The following NVL variants were observed in gnomAD, a reference collection of about 807,000 sequenced individuals.
NVL encodes the protein nuclear VCP like.
Under a neutral mutation model 110.2 loss-of-function variants are expected in NVL, and 84 were observed. The ratio of observed to expected loss-of-function variants is 0.76; its 90% CI spans 0.64 to 0.91. The LOEUF (loss-of-function observed/expected upper bound fraction) is 0.91. Among genes scored for constraint, NVL ranks in the 40% least tolerant of loss-of-function variants. NVL has a pLI of 0.00. For missense variants in NVL, 882 were observed against 1,035.9 expected (o/e 0.85, Z 2.04); for synonymous variants, 354 against 361.1 (o/e 0.98, Z 0.22).
chr1:224,301,951 C>A (rs1213105388), intron 9 of NVL, among the ~76,000 whole-genome samples: 1 of 152,114 alleles, frequency 6.6e-6, no homozygotes, highest in African/African-American at 2.4e-5. Flanking sequence ...TGCACTTCTT[C>A]TTGTCTTCCA....
At chr1:224,290,588 G>A (rs1468892084) in intron 12 of NVL, among the ~76,000 whole-genome samples, 1 of 152,124 alleles carries the variant, frequency 6.6e-6, no homozygotes, top group Non-Finnish European at 1.5e-5. Context: ...AGATCACGAG[G>A]TCAGGAGATC....
At chr1:224,241,776 A>G (rs1661218599) in intron 19 of NVL, among the ~76,000 whole-genome samples, 1 of 151,886 alleles carries the variant, frequency 6.6e-6, no homozygotes, top group African/African-American at 2.4e-5. Flanking sequence ...GAATCGCTTG[A>G]ACCCGGGAAG....
chr1:224,289,331 A>T lies in NVL; in HGVS notation c.1575+153T>A, dbSNP rs542562898. The T allele has an allele frequency of 3.3e-5, 20 of 607,786 alleles. 1 individual carries two copies. In the East Asian group the frequency reaches 5.8e-4, roughly 18 times the overall value. 37.6% of individuals were successfully genotyped at this position (607,786 alleles called of 1,614,324 possible). On this transcript the variant is annotated intron_variant, in intron 13 of 22. Transcript: ENST00000281701. ...TAAAACAACTCATATTTTTGAAATG[A>T]TAAACATCGTGGGTATAAATGATAA...
Position 224,288,337 on chromosome 1 carries a change from T to C in NVL, c.1576-344A>G, listed in dbSNP as rs953977697. Reference sequence around the variant, plus strand: ...TCATTTATAAATATTCAAGAAACAGTTGAATCCTGATGAAATTAAAACACT... The same window carrying C: ...TCATTTATAAATATTCAAGAAACAGCTGAATCCTGATGAAATTAAAACACT... On this transcript the variant is annotated intron_variant, in intron 13 of 22. Coordinates refer to ENST00000281701, the MANE Select transcript of NVL (RefSeq NM_002533.4). Among the ~76,000 whole-genome samples the C allele has an allele frequency of 3.0e-4, 46 of 152,162 alleles. 1 individual carries two copies. Among genetic ancestry groups the C allele is most frequent in the Non-Finnish European group, 7.4e-5 (5 of 68,020 alleles).
intron 17 of NVL, among the ~76,000 whole-genome samples, chr1:224,272,688 G>C (rs1484608175): frequency 6.6e-6 from 1 of 152,028 alleles, no homozygotes; most frequent in Non-Finnish European, 1.5e-5. Flanking sequence ...CTGCACTCCA[G>C]CTTGGGTGAC....
At chr1:224,267,707 G>C (rs997429065) in intron 18 of NVL, among the ~76,000 whole-genome samples, 5 of 144,424 alleles carry the variant, frequency 3.5e-5, no homozygotes, top group African/African-American at 1.3e-4. Context: ...AAAAAAAAAA[G>C]TGTATGCTGC....
rs1668752682 is a variant in NVL, at chr1:224,304,725, T to C, written c.825+11A>G. 1.9e-6 allele frequency: 3 copies of C among 1,607,902 alleles called. No individual in the cohort carries two copies. The highest frequency in any genetic ancestry group is 1.3e-5 in the African/African-American group (1 of 74,790). ...TATCCATTTGAGGTAAAATTCAGAA[T>C]TTGCACTAACTTTTAATGTCATATC... On this transcript the variant is annotated intron_variant, in intron 8 of 22. Transcript: ENST00000281701.
chr1:224,275,557 T>C (rs1665683996), intron 16 of NVL, 99 bp from the exon 17 acceptor site: 2 of 1,469,478 alleles, frequency 1.4e-6, no homozygotes, highest in Non-Finnish European at 1.9e-6. Context: ...ACTAGTTTTA[T>C]GTGTCAAAGT....
intron 19 of NVL, among the ~76,000 whole-genome samples, chr1:224,246,016 C>A (rs1252627461): frequency 6.6e-6 from 1 of 151,958 alleles, no homozygotes; most frequent in Non-Finnish European, 1.5e-5. Context: ...GTTACCCACC[C>A]CATTTATGCC....
chr1:224,330,108 C>T lies in NVL; in HGVS notation c.20G>A (p.Gly7Glu), dbSNP rs150333766. Residue 7 changes from glycine (G) to glutamate (E), a missense_variant, in exon 1 of 23, where the codon GGG becomes GAG. By Grantham distance (98) the Gly-to-Glu change is moderately conservative. Transcript: ENST00000281701. MKPRPA[G>E]FVDNKLKQRV... ...CTGCTTGAGTTTATTATCCACGAAC[C>T]CTGCAGGTCTGGGCTTCATCGCGTC... The T allele has an allele frequency of 4.0e-3, 6,468 of 1,614,108 alleles. 18 individuals are homozygous for T. The highest frequency in any genetic ancestry group is 4.9e-3 in the Non-Finnish European group (5,767 of 1,179,974).
chr1:224,299,043 G>A (rs1238662350), intron 10 of NVL, among the ~76,000 whole-genome samples: 1 of 152,156 alleles, frequency 6.6e-6, no homozygotes, highest in African/African-American at 2.4e-5. Flanking sequence ...GTTACTCAAT[G>A]GTTAGGAGTG....
intron 21 of NVL, among the ~76,000 whole-genome samples, chr1:224,231,497 A>G (rs925704974): frequency 2.8e-4 from 43 of 152,142 alleles, no homozygotes; most frequent in African/African-American, 9.9e-4. Flanking sequence ...CCACCCAAAG[A>G]GATCTGCCAC....
intron 15 of NVL, among the ~76,000 whole-genome samples, chr1:224,282,703 C>T (rs1666486312): frequency 6.6e-6 from 1 of 152,212 alleles, no homozygotes; most frequent in African/African-American, 2.4e-5. Context: ...CTCAGCAACA[C>T]CACTTGGATT....
chr1:224,234,257 G>A (rs1660219194), intron 20 of NVL, among the ~76,000 whole-genome samples: 1 of 152,122 alleles, frequency 6.6e-6, no homozygotes, highest in Non-Finnish European at 1.5e-5. Context: ...CATGTTGACT[G>A]GAGTTTCACT....
In NVL at chr1:224,306,411, C is replaced by A. The variant is rs545425344; in HGVS notation, c.616-1245G>T. On this transcript the variant is annotated intron_variant, in intron 6 of 22. Transcript: ENST00000281701. ...CCTCCTAAGTAGCTGGGACTACAGG[C>A]GCCCGCCATGACGCCTGGCTAACTT... Among the ~76,000 whole-genome samples, 3 of 152,218 alleles carry A rather than the reference C, an allele frequency of 2.0e-5. No individual in the cohort carries two copies. In the South Asian group the frequency reaches 6.2e-4, roughly 32 times the overall value.
At chr1:224,285,296 G>A (rs757911305) in intron 15 of NVL, among the ~76,000 whole-genome samples, 30 of 152,216 alleles carry the variant, frequency 2.0e-4, no homozygotes, top group Non-Finnish European at 3.7e-4. Flanking sequence ...TTAGCCGGGC[G>A]TGGTGGCGTA....
intron 2 of NVL, among the ~76,000 whole-genome samples, chr1:224,324,409 T>C (rs867226687): frequency 6.6e-6 from 1 of 152,272 alleles, no homozygotes; most frequent in South Asian, 2.1e-4. Flanking sequence ...CCATTACCAA[T>C]TAATTTAGAT....
At chr1:224,280,803 T>C (rs1666239891) in intron 16 of NVL, among the ~76,000 whole-genome samples, 1 of 152,172 alleles carries the variant, frequency 6.6e-6, no homozygotes. Context: ...TTTTTATTTA[T>C]TAATATGGAA....
At chr1:224,278,271 G>A (rs1321525659) in intron 16 of NVL, among the ~76,000 whole-genome samples, 5 of 129,124 alleles carry the variant, frequency 3.9e-5, no homozygotes, top group African/African-American at 6.1e-5. Flanking sequence ...TCACTGTGTC[G>A]CCCAGGCTGG....
Sources: gnomAD v4.1 joint callset for allele counts (sites outside exome capture counted in the v4.1 genomes callset) on GRCh38, gnomAD v4.1.1 for gene constraint, MANE v1.5 for transcripts, NCBI Gene and HGNC (gene_info 2026-07-23, HGNC 2026-07-21) for gene names.